SCUBE2: variants seen among roughly 807,000 people sequenced by gnomAD.
SCUBE2 encodes the protein signal peptide, CUB and EGF-like domain-containing protein 2.
SCUBE2 carries 114 observed loss-of-function variants against 125.9 expected under a neutral mutation model. That is an observed-to-expected ratio of 0.91 (90% CI 0.78 to 1.06). SCUBE2 has a LOEUF of 1.06. SCUBE2 is among the 50% of genes least tolerant of loss of function. The pLI is 0.00. For missense variants in SCUBE2, 1,255 were observed against 1,301.8 expected, an observed-to-expected ratio of 0.96 and a Z score of 0.55; for synonymous variants, 459 against 492.9, an observed-to-expected ratio of 0.93 and a Z score of 0.91.
At chr11:9,067,169 T>G (rs1476067424) in intron 5 of SCUBE2, among the ~76,000 whole-genome samples, 1 of 152,204 alleles carries the variant, frequency 6.6e-6, no homozygotes, top group Non-Finnish European at 1.5e-5. Flanking sequence ...ACAGCTGTAC[T>G]GGGGCTTTGG....
At chr11:9,038,433 G>T (rs545845898) in intron 16 of SCUBE2, among the ~76,000 whole-genome samples, 4 of 152,210 alleles carry the variant, frequency 2.6e-5, no homozygotes, top group East Asian at 1.9e-4. Context: ...TGAGCCCAGA[G>T]TTCAAGACCA....
intron 2 of SCUBE2, among the ~76,000 whole-genome samples, chr11:9,087,959 A>G (rs930463566): frequency 1.3e-5 from 2 of 152,198 alleles, no homozygotes; most frequent in East Asian, 3.8e-4. Context: ...TTTGTTGGAA[A>G]AGACTTTGTG....
intron 14 of SCUBE2, 123 bp downstream of exon 14, chr11:9,050,483 C>A: frequency 2.7e-6 from 2 of 727,876 alleles, no homozygotes; most frequent in East Asian, 2.5e-5. Flanking sequence ...TGGTTCAGTT[C>A]CATCTGCAGT....
At chr11:9,026,044 C>T (rs1218862629) in intron 20 of SCUBE2, 190 bp from the exon 21 acceptor site, 1 of 577,094 alleles carries the variant, frequency 1.7e-6, no homozygotes, top group South Asian at 2.3e-5. Context: ...TGTGGACCCC[C>T]AGGGGAGGCT....
rs1186182593 is a variant in SCUBE2, at chr11:9,047,640, C to G, written c.1796-78G>C. On this transcript the variant is annotated intron_variant, in intron 15 of 22. Transcript: ENST00000649792. ...GACAATGGCCAGATCAACTGCAGGC[C>G]CTACCAACACCCCGAGCTCCCTGTG... 3 of 1,388,618 alleles carry G rather than the reference C, an allele frequency of 2.2e-6. No homozygotes were observed. The East Asian group carries it at 7.2e-5, about 33-fold the overall frequency. 86.0% of individuals were successfully genotyped at this position (1,388,618 alleles called of 1,614,324 possible). A position where few individuals can be genotyped will look rare whatever the true frequency, so the allele number is the denominator to read the frequency against.
intron 16 of SCUBE2, among the ~76,000 whole-genome samples, chr11:9,037,263 C>T (rs927843182): frequency 3.3e-5 from 5 of 152,210 alleles, no homozygotes; most frequent in African/African-American, 9.7e-5. Flanking sequence ...TTCACTATCA[C>T]AGCAAAGCTT....
chr11:9,060,408 C>G lies in SCUBE2; in HGVS notation c.967G>C (p.Asp323His). The change falls in exon 8 of 23, where the codon GAT becomes CAT. Residue 323 changes from aspartate (D) to histidine (H), a missense_variant and splice_region_variant. By Grantham distance (81) the Asp-to-His change is moderately conservative. Around this residue, in one of 3 missense-constraint regions of SCUBE2, gnomAD observed 378 missense variants for 463.1 expected, o/e 0.82. Transcript: ENST00000649792. ...GTCTCCCTGGGGAGGTGAAGGCTACCTTTACATGTCTTCCCATCCAACTGG... is the reference window on the plus strand; with the variant it reads ...GTCTCCCTGGGGAGGTGAAGGCTACGTTTACATGTCTTCCCATCCAACTGG... ...TLQLDGKTCKDIDECQTRNGG... is the reference protein window; with the variant it reads ...TLQLDGKTCKHIDECQTRNGG... 1 of 1,612,430 alleles carries G rather than the reference C, an allele frequency of 6.2e-7. No individual in the cohort carries two copies. Among genetic ancestry groups the G allele is most frequent in the Non-Finnish European group, 8.5e-7 (1 of 1,178,524 alleles).
At chr11:9,068,625 G>A (rs185194909) in intron 5 of SCUBE2, among the ~76,000 whole-genome samples, 2 of 152,258 alleles carry the variant, frequency 1.3e-5, no homozygotes, top group South Asian at 2.1e-4. Context: ...AGCAGAGGAT[G>A]GTAGCATGGG....
chr11:9,030,346 T>A (rs142921473), intron 18 of SCUBE2: 1 of 461,476 alleles, frequency 2.2e-6, no homozygotes, highest in South Asian at 2.5e-5. Flanking sequence ...TCTGTGAGTA[T>A]AGGGGGCAGG....
At chr11:9,078,042 C>T (rs1438351414) in intron 3 of SCUBE2, among the ~76,000 whole-genome samples, 1 of 152,112 alleles carries the variant, frequency 6.6e-6, no homozygotes, top group Non-Finnish European at 1.5e-5. Flanking sequence ...TATGCATCCT[C>T]CAAATGCCCT....
chr11:9,069,975 C>A (rs1210582152), intron 4 of SCUBE2, among the ~76,000 whole-genome samples: 1 of 152,154 alleles, frequency 6.6e-6, no homozygotes, highest in Non-Finnish European at 1.5e-5. Flanking sequence ...CCAATCCCAC[C>A]CTTCTGAGGT....
At chr11:9,057,641 C>T (rs1859212304) in intron 9 of SCUBE2, among the ~76,000 whole-genome samples, 1 of 151,494 alleles carries the variant, frequency 6.6e-6, no homozygotes, top group South Asian at 2.1e-4. Flanking sequence ...GTCTCAGCCT[C>T]CTGAGTAGCT....
intron 7 of SCUBE2, among the ~76,000 whole-genome samples, chr11:9,065,579 A>T (rs952194959): frequency 6.6e-6 from 1 of 152,190 alleles, no homozygotes; most frequent in Admixed American, 6.5e-5. Flanking sequence ...GGTAGACTTT[A>T]TTACATCCAT....
At chr11:9,035,189 T>C (rs58819569) in intron 16 of SCUBE2, among the ~76,000 whole-genome samples, 15,164 of 152,240 alleles carry the variant, frequency 0.1, 1,377 homozygotes, top group African/African-American at 0.24. Context: ...GCATTTCTAA[T>C]GACTAACATT....
intron 8 of SCUBE2, chr11:9,059,718 A>G: frequency 2.7e-6 from 1 of 364,892 alleles, no homozygotes; most frequent in East Asian, 4.8e-5. Flanking sequence ...TTATATTCTC[A>G]TCTTTGTATT....
chr11:9,029,931 T>C lies in SCUBE2; in HGVS notation c.2456A>G (p.Asn819Ser). ...GKNNCVSCPG[N>S]TTTDFDGSTN... ...GGAGCCATCAAAGTCAGTCGTAGTA[T>C]TTCCTGGGCAAGAAACACAATTATT... is the stretch of plus-strand genomic sequence containing the variant. The change falls in exon 19 of 23, where the codon AAT becomes AGT. Residue 819 changes from asparagine (N) to serine (S), a missense_variant. Asn to Ser is a conservative substitution (Grantham distance 46). This residue lies in a region of SCUBE2 where 515 missense variants were observed against 515.7 expected (regional missense o/e 1.00). Coordinates refer to ENST00000649792, the MANE Select transcript of SCUBE2 (RefSeq NM_001367977.2). 1 of 1,614,238 alleles carries C rather than the reference T, an allele frequency of 6.2e-7. No individual in the cohort carries two copies. Among genetic ancestry groups the C allele is most frequent in the Non-Finnish European group, 8.5e-7 (1 of 1,180,040 alleles).
At chr11:9,057,622 G>A (rs192432883) in intron 9 of SCUBE2, among the ~76,000 whole-genome samples, 53 of 150,674 alleles carry the variant, frequency 3.5e-4, no homozygotes, top group African/African-American at 1.3e-3. Context: ...GGGTTCAAGC[G>A]ATTCTGGTGT....
At chr11:9,062,709 A>T (rs1056543601) in intron 7 of SCUBE2, among the ~76,000 whole-genome samples, 1 of 152,222 alleles carries the variant, frequency 6.6e-6, no homozygotes, top group Non-Finnish European at 1.5e-5. Context: ...AGGCCAAAGT[A>T]AAATGCCTGA....
At chr11:9,033,980 T>A (rs1209797151) in intron 16 of SCUBE2, among the ~76,000 whole-genome samples, 184 bp from the exon 17 acceptor site, 1 of 151,866 alleles carries the variant, frequency 6.6e-6, no homozygotes, top group Non-Finnish European at 1.5e-5. Context: ...TTGATCCTCA[T>A]TGCCCCGTTA....
Sources: allele counts gnomAD v4.1 joint callset (sites outside exome capture counted in the v4.1 genomes callset), GRCh38; gene constraint gnomAD v4.1.1; regional missense constraint gnomAD v4.1.1; transcripts MANE v1.5; gene names NCBI Gene and HGNC (gene_info 2026-07-23, HGNC 2026-07-21).